DLGAP1: variants seen among roughly 807,000 people sequenced by gnomAD.
The protein encoded by DLGAP1 is disks large-associated protein 1.
Under a neutral mutation model 90.8 loss-of-function variants are expected in DLGAP1, and 11 were observed. The ratio of observed to expected loss-of-function variants is 0.12; its 90% CI spans 0.08 to 0.20. The LOEUF (loss-of-function observed/expected upper bound fraction) is 0.20, where lower values mean the gene tolerates loss of function less well. Among genes scored for constraint, DLGAP1 ranks in the 10% least tolerant of loss-of-function variants. The pLI, the probability that DLGAP1 is intolerant of heterozygous loss-of-function variation, is 1.00. For synonymous variants in DLGAP1, 558 were observed against 540.7 expected (o/e 1.03, Z -0.44); for missense variants, 1,050 against 1,333.8 (o/e 0.79, Z 3.31).
chr18:4,449,312 A>C (rs2083755717), intron 1 of DLGAP1, among the ~76,000 whole-genome samples: 1 of 152,184 alleles, frequency 6.6e-6, no homozygotes, highest in African/African-American at 2.4e-5. Flanking sequence ...TCAAAACCTT[A>C]CCTCTGCTTG....
chr18:3,879,619 G>C lies in DLGAP1; in HGVS notation c.450C>G (p.Thr150=). The C allele has an allele frequency of 6.2e-7, 1 of 1,604,074 alleles. No homozygotes were observed. The highest frequency in any genetic ancestry group is 8.5e-7 in the Non-Finnish European group (1 of 1,178,894). The change falls in exon 4 of 13, where the codon ACC becomes ACG. Residue 150 remains threonine (T), a synonymous_variant. Coordinates refer to ENST00000315677, the MANE Select transcript of DLGAP1 (RefSeq NM_004746.4). The surrounding 1 kb of genome is among the most constrained non-coding windows in gnomAD (Gnocchi z 6.6). The part of the protein sequence containing the change: ...HLVHSVQKLF[T]KSHSLEGPSK... ...ACGGCCCCTCCAGGGAGTGCGACTT[G>C]GTGAAGAGCTTCTGGACCGAGTGCA...
chr18:4,354,666 A>G (rs1223497601), intron 1 of DLGAP1, among the ~76,000 whole-genome samples: 4 of 152,026 alleles, frequency 2.6e-5, no homozygotes, highest in Admixed American at 6.6e-5. Flanking sequence ...GAGGAAAGGT[A>G]TCACATCTTT....
At chr18:3,627,499 C>T (rs748846387) in intron 7 of DLGAP1, among the ~76,000 whole-genome samples, 7 of 151,414 alleles carry the variant, frequency 4.6e-5, no homozygotes, top group South Asian at 2.1e-4. Context: ...TTCTCCCACA[C>T]GCTACAGTCC....
At chr18:4,357,516 C>G (rs890559276) in intron 1 of DLGAP1, among the ~76,000 whole-genome samples, 4 of 152,180 alleles carry the variant, frequency 2.6e-5, no homozygotes, top group African/African-American at 9.7e-5. Flanking sequence ...GTGTCTAAAT[C>G]TTGCCTGGAA....
chr18:3,695,892 G>A (rs1029606571), intron 7 of DLGAP1, among the ~76,000 whole-genome samples: 4 of 93,184 alleles, frequency 4.3e-5, no homozygotes, highest in African/African-American at 2.2e-4. Flanking sequence ...GCAGTGGTTT[G>A]TAGTTCTTGA....
At chr18:3,608,569 C>T (rs532445911) in intron 7 of DLGAP1, among the ~76,000 whole-genome samples, 1 of 152,268 alleles carries the variant, frequency 6.6e-6, no homozygotes, top group Non-Finnish European at 1.5e-5. Context: ...TGTTGGGGCT[C>T]AGAACATAAT....
rs546379614 is a variant in DLGAP1, at chr18:3,496,760, T to TG, written c.*2424dup. 1.6e-4 allele frequency: 24 copies of TG among 152,330 alleles called. No homozygotes were observed. The highest frequency in any genetic ancestry group is 5.1e-4 in the African/African-American group (21 of 41,578). The allele number at this position is 152,330 out of a possible 1,614,324, so 9.4% of individuals were successfully genotyped here. On this transcript the variant is annotated 3_prime_UTR_variant, in exon 13 of 13. Transcript: ENST00000315677. The stretch of plus-strand genomic sequence containing the variant: ...CAGTTTCAGGGGTCAAGCAGCATTG[T>TG]GTGGGGTCATGTTCTAACACCAATA...
At chr18:4,325,176 A>T (rs1319117860) in intron 1 of DLGAP1, among the ~76,000 whole-genome samples, 1 of 152,224 alleles carries the variant, frequency 6.6e-6, no homozygotes, top group Non-Finnish European at 1.5e-5. Flanking sequence ...TCAGGAAACT[A>T]AATCAATCTA....
rs115139648 is a variant in DLGAP1, at chr18:3,630,639, T to G, written c.1592-48391A>C. ...GCACCATCTACTGAATATTGTCCCT[T>G]CCCCACTGAATTGCAAAGATGCCTC... On this transcript the variant is annotated intron_variant, in intron 7 of 12. Transcript: ENST00000315677. 5.9e-3 allele frequency among the ~76,000 whole-genome samples: 898 copies of G among 152,292 alleles called. 3 individuals are homozygous for G. The highest frequency in any genetic ancestry group is 0.021 in the African/African-American group (857 of 41,560).
intron 9 of DLGAP1, among the ~76,000 whole-genome samples, chr18:3,552,862 T>C (rs2053552200): frequency 6.6e-6 from 1 of 152,240 alleles, no homozygotes. Flanking sequence ...TAAATGGGAT[T>C]ACATCTTGGA....
Position 3,984,420 on chromosome 18 carries a change from G to A in DLGAP1, c.-73+20696C>T, listed in dbSNP as rs1599268493. Among the ~76,000 whole-genome samples, 3 of 152,234 alleles carry A rather than the reference G, an allele frequency of 2.0e-5. No individual in the cohort carries two copies. The East Asian group carries it at 5.8e-4, about 29-fold the overall frequency. On this transcript the variant is annotated intron_variant, in intron 3 of 12. Coordinates refer to ENST00000315677, the MANE Select transcript of DLGAP1 (RefSeq NM_004746.4). ...CAAATGGAAATCCCAAGTCTGCACT[G>A]ACTAAGTCTCAGTTGCACATTTTTG...
chr18:3,981,163 G>A (rs757854276), intron 3 of DLGAP1, among the ~76,000 whole-genome samples: 11 of 152,308 alleles, frequency 7.2e-5, no homozygotes, highest in Non-Finnish European at 1.0e-4. Flanking sequence ...GCAGAATGCC[G>A]GATATTTGCC....
intron 3 of DLGAP1, among the ~76,000 whole-genome samples, chr18:3,954,588 A>T (rs2073049226): frequency 6.6e-6 from 1 of 152,242 alleles, no homozygotes. Flanking sequence ...GTGCCACAGC[A>T]TTGTGTTCAA....
At chr18:3,833,880 T>C (rs1360359365) in intron 4 of DLGAP1, among the ~76,000 whole-genome samples, 4 of 152,220 alleles carry the variant, frequency 2.6e-5, no homozygotes, top group African/African-American at 9.6e-5. Context: ...AATTCTATTG[T>C]TGCATTAATT....
Position 4,417,935 on chromosome 18 carries a change from T to C in DLGAP1, c.-267+37071A>G, listed in dbSNP as rs577508489. On this transcript the variant is annotated intron_variant, in intron 1 of 12. Coordinates refer to ENST00000315677, the MANE Select transcript of DLGAP1 (RefSeq NM_004746.4). ...AGATATCTTAAGTAATCCACAGTGCTGCTTGGAGAGAAACACAAGTGTGGA... is the reference window on the plus strand; with the variant it reads ...AGATATCTTAAGTAATCCACAGTGCCGCTTGGAGAGAAACACAAGTGTGGA... Among the ~76,000 whole-genome samples the C allele has an allele frequency of 9.1e-4, 139 of 152,258 alleles. 3 individuals carry two copies. Among genetic ancestry groups the C allele is most frequent in the African/African-American group, 3.3e-3 (139 of 41,562 alleles).
intron 7 of DLGAP1, among the ~76,000 whole-genome samples, chr18:3,623,756 G>A (rs1310384892): frequency 1.6e-5 from 2 of 124,616 alleles, no homozygotes; most frequent in African/African-American, 3.1e-5. Context: ...CAGCCTGAGA[G>A]ACAGAGCAAG....
intron 7 of DLGAP1, among the ~76,000 whole-genome samples, chr18:3,709,444 A>G (rs2061534914): frequency 1.3e-5 from 2 of 152,208 alleles, no homozygotes; most frequent in South Asian, 4.1e-4. Context: ...AACTGTTAGC[A>G]TGTTTGACCT....
At chr18:3,789,908 G>T (rs758394218) in intron 5 of DLGAP1, among the ~76,000 whole-genome samples, 12 of 152,196 alleles carry the variant, frequency 7.9e-5, no homozygotes, top group Non-Finnish European at 1.6e-4. Context: ...TTAATGGTCA[G>T]AAGCTATGTT....
chr18:3,562,424 T>C (rs1337282889), intron 9 of DLGAP1, among the ~76,000 whole-genome samples: 1 of 151,572 alleles, frequency 6.6e-6, no homozygotes, highest in African/African-American at 2.4e-5. Flanking sequence ...TGGCAGGAGG[T>C]GATTGAATCA....
Sources: allele counts gnomAD v4.1 joint callset (sites outside exome capture counted in the v4.1 genomes callset), GRCh38; gene constraint gnomAD v4.1.1; non-coding constraint Gnocchi (gnomAD v3.1); transcripts MANE v1.5; gene names NCBI Gene and HGNC (gene_info 2026-07-23, HGNC 2026-07-21).